Variants in SDHAF4 observed in about 807,000 individuals in gnomAD.
The protein encoded by SDHAF4 is succinate dehydrogenase assembly factor 4, mitochondrial.
SDHAF4 carries 14 observed loss-of-function variants against 14.3 expected under a neutral mutation model. The ratio of observed to expected loss-of-function variants is 0.98; its 90% CI spans 0.65 to 1.53. The LOEUF (loss-of-function observed/expected upper bound fraction) is 1.53. SDHAF4 is among the 40% of genes most tolerant of loss of function. The pLI is 0.00. For missense variants in SDHAF4, 141 were observed against 129.3 expected (o/e 1.09, Z -0.44); for synonymous variants, 63 against 47.3 (o/e 1.33, Z -1.36).
chr6:70,574,437 C>CT (rs1802225509), intron 1 of SDHAF4, among the ~76,000 whole-genome samples: 1 of 152,204 alleles, frequency 6.6e-6, no homozygotes, highest in South Asian at 2.1e-4. Flanking sequence ...AGAGGGGCTT[C>CT]TTTTTTTCAC....
At chr6:70,581,686 C>T (rs1281553165) in intron 2 of SDHAF4, among the ~76,000 whole-genome samples, 1 of 152,166 alleles carries the variant, frequency 6.6e-6, no homozygotes, top group Non-Finnish European at 1.5e-5. Context: ...TGGCTCACTG[C>T]AGCCTTAACC....
chr6:70,566,945 C>T lies in SDHAF4; in HGVS notation c.5C>T (p.Thr2Ile), dbSNP rs553787257. 1.3e-5 allele frequency: 21 copies of T among 1,585,276 alleles called. No homozygotes were observed. In the Middle Eastern group the frequency reaches 8.4e-4, roughly 63 times the overall value. The change falls in exon 1 of 3, where the codon ACC becomes ATC. Residue 2 changes from threonine to isoleucine, a missense_variant. By Grantham distance (89) the Thr-to-Ile change is moderately conservative. Coordinates refer to ENST00000370474, the MANE Select transcript of SDHAF4 (RefSeq NM_145267.3). Reference protein sequence around the residue: MTPSRLPWLLSW... With the variant: MIPSRLPWLLSW... ...GAGGCTCGGGGAGTCGGCGCCATGA[C>T]CCCATCGAGGCTTCCCTGGTTGCTT...
chr6:70,596,065 A>T, the SDHAF4 span, among the ~76,000 whole-genome samples: 1 of 152,174 alleles, frequency 6.6e-6, no homozygotes, highest in African/African-American at 2.4e-5. Flanking sequence ...TATATAGGTA[A>T]AATTTGGTGA....
chr6:70,590,025 G>A (rs1466175839), downstream of SDHAF4, among the ~76,000 whole-genome samples: 1 of 152,142 alleles, frequency 6.6e-6, no homozygotes, highest in Non-Finnish European at 1.5e-5. Context: ...ATCACTTGAG[G>A]TCAGGAGTTC....
At chr6:70,592,246 C>T (rs1006445165), downstream of SDHAF4, among the ~76,000 whole-genome samples, 2 of 152,090 alleles carry the variant, frequency 1.3e-5, no homozygotes, top group African/African-American at 4.8e-5. Flanking sequence ...ATAAAGTTAC[C>T]TGAAAATGTG....
chr6:70,582,309 C>T (rs753968930), intron 2 of SDHAF4, among the ~76,000 whole-genome samples: 33 of 152,072 alleles, frequency 2.2e-4, no homozygotes, highest in Non-Finnish European at 4.3e-4. Context: ...AAACGATCTT[C>T]CCACCTCAGC....
At chr6:70,595,878 G>A in the SDHAF4 span, among the ~76,000 whole-genome samples, 3 of 150,306 alleles carry the variant, frequency 2.0e-5, no homozygotes, top group African/African-American at 7.3e-5. Context: ...AAAATAGTAT[G>A]TTAAATTTTC....
At chr6:70,582,254 T>C (rs1765140239) in intron 2 of SDHAF4, among the ~76,000 whole-genome samples, 1 of 151,892 alleles carries the variant, frequency 6.6e-6, no homozygotes, top group South Asian at 2.1e-4. Flanking sequence ...CTTTAAGAGA[T>C]AGAGCTCAGT....
At chr6:70,585,215 C>G (rs933742589) in intron 2 of SDHAF4, among the ~76,000 whole-genome samples, 1 of 152,180 alleles carries the variant, frequency 6.6e-6, no homozygotes, top group Non-Finnish European at 1.5e-5. Flanking sequence ...AGTAAGGTAA[C>G]TCTTTAAGAG....
the SDHAF4 span, among the ~76,000 whole-genome samples, chr6:70,594,707 G>T: frequency 6.6e-6 from 1 of 152,176 alleles, no homozygotes; most frequent in Non-Finnish European, 1.5e-5. Flanking sequence ...GAGGCCAGAA[G>T]TTCAAGACCA....
At chr6:70,587,933 A>G (rs1475189003) in intron 2 of SDHAF4, among the ~76,000 whole-genome samples, 5 of 152,218 alleles carry the variant, frequency 3.3e-5, no homozygotes, top group African/African-American at 4.8e-5. Context: ...AGATTAATTG[A>G]CATTCCTATG....
chr6:70,584,729 T>C (rs1765177531), intron 2 of SDHAF4, among the ~76,000 whole-genome samples: 1 of 150,988 alleles, frequency 6.6e-6, no homozygotes, highest in Non-Finnish European at 1.5e-5. Context: ...CTCAAAAGAG[T>C]GTGGGATTTG....
downstream of SDHAF4, among the ~76,000 whole-genome samples, chr6:70,592,148 C>A (rs773227429): frequency 6.6e-6 from 1 of 152,166 alleles, no homozygotes; most frequent in Non-Finnish European, 1.5e-5. Flanking sequence ...AAGAAATAAA[C>A]GTCTTTTCTT....
At position 70,566,950 on chromosome 6, in the gene SDHAF4, T is replaced by G; in HGVS notation, c.10T>G (p.Ser4Ala). 1 of 1,587,600 alleles carries G rather than the reference T, an allele frequency of 6.3e-7. No homozygotes were observed. The highest frequency in any genetic ancestry group is 8.6e-7 in the Non-Finnish European group (1 of 1,167,162). ...TCGGGGAGTCGGCGCCATGACCCCA[T>G]CGAGGCTTCCCTGGTTGCTTAGCTG... MTP[S>A]RLPWLLSWVS... is the part of the protein sequence containing the mutation. Residue 4 changes from serine (S) to alanine (A), a missense_variant, in exon 1 of 3, where the codon TCG (serine) becomes GCG (alanine). Physicochemically the swap from Ser to Ala is moderately conservative, Grantham distance 99 (BLOSUM62 1). Coordinates refer to ENST00000370474, the MANE Select transcript of SDHAF4 (RefSeq NM_145267.3).
chr6:70,594,789 G>A, the SDHAF4 span, among the ~76,000 whole-genome samples: 1 of 152,058 alleles, frequency 6.6e-6, no homozygotes, highest in Non-Finnish European at 1.5e-5. Context: ...GTGCACACCT[G>A]TAATCCCAGC....
rs1802104530 is a variant in SDHAF4 at position 70,566,958 on chromosome 6, T to TC, written c.21dup (p.Trp8LeufsTer4). ...TCGGCGCCATGACCCCATCGAGGCT[T>TC]CCCTGGTTGCTTAGCTGGGTCTCGG... On this transcript the variant is annotated frameshift_variant, in exon 1 of 3. Transcript: ENST00000370474. LOFTEE classifies it high-confidence loss of function. 6.3e-7 allele frequency: 1 copy of TC among 1,591,152 alleles called. No homozygotes were observed. Among genetic ancestry groups the TC allele is most frequent in the Non-Finnish European group, 8.6e-7 (1 of 1,169,206 alleles).
intron 2 of SDHAF4, among the ~76,000 whole-genome samples, chr6:70,586,998 C>T (rs1765208983): frequency 6.6e-6 from 1 of 150,746 alleles, no homozygotes; most frequent in African/African-American, 2.4e-5. Flanking sequence ...GTAAAACCCC[C>T]ATCTCTACTA....
chr6:70,572,725 G>A (rs573441961), intron 1 of SDHAF4, among the ~76,000 whole-genome samples: 16 of 151,878 alleles, frequency 1.1e-4, no homozygotes, highest in African/African-American at 3.4e-4. Context: ...TTGTATGGGG[G>A]TTTTTGTTGT....
chr6:70,592,892 T>C (rs896816366), downstream of SDHAF4, among the ~76,000 whole-genome samples: 13 of 152,204 alleles, frequency 8.5e-5, no homozygotes, highest in Non-Finnish European at 1.9e-4. Context: ...AGCCAGAGAT[T>C]CATCAGGACA....
Sources: gnomAD v4.1 joint callset for allele counts (sites outside exome capture counted in the v4.1 genomes callset) on GRCh38, gnomAD v4.1.1 for gene constraint, MANE v1.5 for transcripts, NCBI Gene and HGNC (gene_info 2026-07-23, HGNC 2026-07-21) for gene names.